The following ABCA3 variants were observed in gnomAD, a reference collection of about 807,000 sequenced individuals.
ABCA3 encodes the protein phospholipid-transporting ATPase ABCA3.
ABCA3 carries 88 observed loss-of-function variants against 172.8 expected under a neutral mutation model. The ratio of observed to expected loss-of-function variants is 0.51; its 90% confidence interval spans 0.43 to 0.61. ABCA3 has a LOEUF of 0.61. Ranked by LOEUF, ABCA3 falls within the 20% of genes least tolerant of loss-of-function variation. The probability of loss-of-function intolerance (pLI) is 0.00; values close to 1 mark genes in which losing one functional copy is unlikely to be tolerated. For missense variants in ABCA3, 2,164 were observed against 2,301.0 expected (o/e 0.94, Z 1.22); for synonymous variants, 1,066 against 983.8 (o/e 1.08, Z -1.56).
intron 18 of ABCA3, among the ~76,000 whole-genome samples, 165 bp from the exon 19 acceptor site, chr16:2,292,403 C>T (rs2093673473): frequency 6.6e-6 from 1 of 152,128 alleles, no homozygotes; most frequent in African/African-American, 2.4e-5. Flanking sequence ...AGTTCGATAC[C>T]AGTCTAGTCA....
At chr16:2,293,897 A>T (rs775038437) in intron 18 of ABCA3, among the ~76,000 whole-genome samples, 4 of 151,576 alleles carry the variant, frequency 2.6e-5, no homozygotes, top group Non-Finnish European at 5.9e-5. Flanking sequence ...GCCCAAGCTG[A>T]TCTCCTTCTC....
chr16:2,292,353 A>T, intron 18 of ABCA3, 115 bp from the exon 19 acceptor site: 1 of 845,994 alleles, frequency 1.2e-6, no homozygotes. Flanking sequence ...TAACCCCAGC[A>T]CTTTGGGACG....
intron 18 of ABCA3, among the ~76,000 whole-genome samples, chr16:2,294,227 C>T (rs573107706): frequency 6.6e-5 from 10 of 151,460 alleles, no homozygotes; most frequent in African/African-American, 2.2e-4. Flanking sequence ...GAGGTTTCAC[C>T]GTGTTGGCCA....
chr16:2,293,253 G>A (rs1166235818), intron 18 of ABCA3, among the ~76,000 whole-genome samples: 7 of 151,172 alleles, frequency 4.6e-5, no homozygotes, highest in African/African-American at 1.2e-4. Context: ...GGGTTTCACC[G>A]TGTTAGCCAG....
At chr16:2,317,906 C>T in intron 8 of ABCA3, 142 bp from the exon 9 acceptor site, 1 of 725,030 alleles carries the variant, frequency 1.4e-6, no homozygotes, top group Non-Finnish European at 2.4e-6. Flanking sequence ...CGGCCAGGCT[C>T]ATCTTGCTCA....
In ABCA3 at chr16:2,277,564, G is replaced by C. The variant is rs748106978; in HGVS notation, c.4983+33C>G. Reference sequence around the variant, plus strand: ...CTGGAGGGACCTCCCCCTGCCCCATGAGTGCCCAGTGGGGCCCCAGGGACT... The same window carrying C: ...CTGGAGGGACCTCCCCCTGCCCCATCAGTGCCCAGTGGGGCCCCAGGGACT... On this transcript the variant is annotated intron_variant, in intron 32 of 32. Transcript: ENST00000301732. This position sits in a 1 kb window ranked among gnomAD's most constrained non-coding sequence, Gnocchi z 5.3. 18 of 1,609,952 alleles carry C rather than the reference G, an allele frequency of 1.1e-5. No individual in the cohort carries two copies. The Middle Eastern group carries it at 2.0e-3, about 177-fold the overall frequency.
chr16:2,298,864 G>A (rs2093684399), intron 14 of ABCA3, among the ~76,000 whole-genome samples: 1 of 152,216 alleles, frequency 6.6e-6, no homozygotes, highest in Non-Finnish European at 1.5e-5. Context: ...GCTTGGGGAA[G>A]ACAGAGTGAA....
intron 12 of ABCA3, among the ~76,000 whole-genome samples, chr16:2,303,411 G>A (rs900416445): frequency 2.0e-5 from 3 of 151,732 alleles, no homozygotes; most frequent in Non-Finnish European, 4.4e-5. Flanking sequence ...ACAGGCACCC[G>A]CCATCACACC....
chr16:2,281,353 AG>A lies in ABCA3; in HGVS notation c.4164+27del. On this transcript the variant is annotated intron_variant, in intron 27 of 32. Transcript: ENST00000301732. This position sits in a 1 kb window ranked among gnomAD's most constrained non-coding sequence, Gnocchi z 4.7. ...ACAGCCAGGTAGTCAGCTGGCAGGA[AG>A]GACTCCACCCCAAATTGCAAGGGTA... 1 of 1,613,504 alleles carries A rather than the reference AG, an allele frequency of 6.2e-7. No individual in the cohort carries two copies. Among genetic ancestry groups the A allele is most frequent in the Non-Finnish European group, 8.5e-7 (1 of 1,179,934 alleles).
chr16:2,330,260 A>G (rs2093740932), intron 1 of ABCA3, among the ~76,000 whole-genome samples: 1 of 145,802 alleles, frequency 6.9e-6, no homozygotes. Flanking sequence ...GCTAACTCAG[A>G]GTCATCAGCT....
chr16:2,278,331 G>C lies in ABCA3; in HGVS notation c.4675C>G (p.Arg1559Gly). ...ATGGCCTTGCCAGACTCTCGGGCTC[G>C]TGCCACGGTGTCCCAAAGCAGGCGC... ...ARRLLWDTVA[R>G]ARESGKAIII... The change falls in exon 30 of 33, where the codon CGA becomes GGA. Residue 1559 changes from arginine (R) to glycine (G), a missense_variant. Arg to Gly is a moderately radical substitution (Grantham distance 125). Around this residue, in one of 3 missense-constraint regions of ABCA3, gnomAD observed 795 missense variants for 881.9 expected, o/e 0.90. Transcript: ENST00000301732. The surrounding 1 kb of genome is among the most constrained non-coding windows in gnomAD (Gnocchi z 4.4). 6.2e-7 allele frequency: 1 copy of C among 1,610,956 alleles called. No individual in the cohort carries two copies. Among genetic ancestry groups the C allele is most frequent in the Non-Finnish European group, 8.5e-7 (1 of 1,179,980 alleles).
At position 2,326,124 on chromosome 16, in the gene ABCA3, A is replaced by G; in HGVS notation, c.205T>C (p.Phe69Leu). 1 of 1,614,148 alleles carries G rather than the reference A, an allele frequency of 6.2e-7. No homozygotes were observed. The highest frequency in any genetic ancestry group is 8.5e-7 in the Non-Finnish European group (1 of 1,180,044). The change falls in exon 5 of 33, where the codon TTC becomes CTC. Residue 69 changes from phenylalanine to leucine, a missense_variant. Phe to Leu is a conservative substitution (Grantham distance 22). Coordinates refer to ENST00000301732, the MANE Select transcript of ABCA3 (RefSeq NM_001089.3). ...GQSIQELPLF[F>L]TFPPPGDTWE... ...GTGTCTCCTGGCGGAGGGAAGGTGA[A>G]GAACAGAGGCAGCTCCTGGATGGAC...
Position 2,286,965 on chromosome 16 carries a change from C to T in ABCA3, c.3007G>A (p.Asp1003Asn). ...EGQEPREVLG[D>N]LEEFLIFRAS... ...CTGAAGATCAAGAACTCCTCCAGGT[C>T]ACCTGGGGAGCAATGGCAGAGTCAG... The change falls in exon 22 of 33, where the codon GAC (aspartate) becomes AAC (asparagine). Residue 1003 changes from aspartate to asparagine, a missense_variant and splice_region_variant. Asp to Asn is a conservative substitution (Grantham distance 23, BLOSUM62 1). Around this residue, in one of 3 missense-constraint regions of ABCA3, gnomAD observed 1,343 missense variants for 1,369.6 expected, o/e 0.98. Transcript: ENST00000301732. The surrounding 1 kb of genome is among the most constrained non-coding windows in gnomAD (Gnocchi z 5.2). 3 of 1,612,852 alleles carry T rather than the reference C, an allele frequency of 1.9e-6. No individual in the cohort carries two copies. The highest frequency in any genetic ancestry group is 2.5e-6 in the Non-Finnish European group (3 of 1,179,696).
intron 8 of ABCA3, 57 bp downstream of exon 8, chr16:2,319,522 ATG>A: frequency 6.3e-7 from 1 of 1,583,760 alleles, no homozygotes; most frequent in Admixed American, 1.7e-5. Flanking sequence ...GCCTTTGGAC[ATG>A]GCCTCCCCAG....
intron 1 of ABCA3, among the ~76,000 whole-genome samples, chr16:2,334,258 G>C (rs910592546): frequency 6.6e-6 from 1 of 152,046 alleles, no homozygotes; most frequent in Non-Finnish European, 1.5e-5. Context: ...GGGGAGCAGC[G>C]AGTCATTCCG....
Position 2,289,533 on chromosome 16 carries a change from G to A in ABCA3, c.2601C>T (p.Asp867=). Residue 867 remains aspartate (D), a synonymous_variant, in exon 20 of 33, where the codon GAC becomes GAT. Coordinates refer to ENST00000301732, the MANE Select transcript of ABCA3 (RefSeq NM_001089.3). ...CACAGAGGTTGCTGTCCACAGCCCA[G>A]TCGCTGGCGCGCCTCTCGTGCTGGT... is the stretch of plus-strand genomic sequence containing the variant. ...LQYQHERRAS[D]WAVDSNLCGA... The A allele has an allele frequency of 1.3e-6, 2 of 1,579,274 alleles. No individual in the cohort carries two copies. The highest frequency in any genetic ancestry group is 1.7e-6 in the Non-Finnish European group (2 of 1,163,664).
rs765872428 is a variant in ABCA3, at chr16:2,299,383, G to A, written c.1741+20C>T. Reference sequence around the variant, plus strand: ...AGGGGGGCCTGCTGGTGGCAGGGGCGTGAGGCGCCTGGCCCTCACCTGTGA... The same window carrying A: ...AGGGGGGCCTGCTGGTGGCAGGGGCATGAGGCGCCTGGCCCTCACCTGTGA... On this transcript the variant is annotated intron_variant, in intron 14 of 32. Transcript: ENST00000301732. 40 of 1,612,844 alleles carry A rather than the reference G, an allele frequency of 2.5e-5. No homozygotes were observed. Among genetic ancestry groups the A allele is most frequent in the South Asian group, 2.3e-4 (21 of 91,084 alleles).
Position 2,276,777 on chromosome 16 carries a change from T to C in ABCA3, c.5012A>G (p.Glu1671Gly). The C allele has an allele frequency of 1.2e-6, 2 of 1,613,968 alleles. No homozygotes were observed. The highest frequency in any genetic ancestry group is 1.7e-6 in the Non-Finnish European group (2 of 1,180,042). The change falls in exon 33 of 33, where the codon GAA becomes GGA. Residue 1671 changes from glutamate (E) to glycine (G), a missense_variant. Glu to Gly is a moderately conservative substitution (Grantham distance 98). Around this residue, in one of 3 missense-constraint regions of ABCA3, gnomAD observed 795 missense variants for 881.9 expected, o/e 0.90. Coordinates refer to ENST00000301732, the MANE Select transcript of ABCA3 (RefSeq NM_001089.3). ...KVFGILEKAK[E>G]KYGVDDYSVS... ...GGAGTAGTCGTCCACGCCGTACTTT[T>C]CCTTGGCTTTCTCCAGAATACCGAA...
intron 12 of ABCA3, among the ~76,000 whole-genome samples, chr16:2,302,881 C>T (rs923713304): frequency 2.0e-5 from 3 of 151,954 alleles, no homozygotes; most frequent in African/African-American, 4.8e-5. Context: ...CTCCGCCTTC[C>T]GGGTTCAAGC....
Sources: gnomAD v4.1 joint callset for allele counts (sites outside exome capture counted in the v4.1 genomes callset) on GRCh38, gnomAD v4.1.1 for gene constraint, gnomAD v4.1.1 regional missense constraint, Gnocchi (gnomAD v3.1) non-coding constraint, MANE v1.5 for transcripts, NCBI Gene and HGNC (gene_info 2026-07-23, HGNC 2026-07-21) for gene names.